Variants in LCORL observed in about 807,000 individuals in gnomAD.
LCORL encodes ligand dependent nuclear receptor corepressor like.
LCORL carries 41 observed loss-of-function variants against 141.8 expected under a neutral mutation model. The ratio of observed to expected loss-of-function variants is 0.29; its 90% CI spans 0.23 to 0.38. LCORL has a LOEUF of 0.38. Ranked by LOEUF, LCORL falls within the 10% of genes least tolerant of loss-of-function variation. The probability of loss-of-function intolerance (pLI) is 1.00; values close to 1 mark genes in which losing one functional copy is unlikely to be tolerated. For missense variants in LCORL, 1,759 were observed against 2,035.0 expected (o/e 0.86, Z 2.61); for synonymous variants, 618 against 694.1 (o/e 0.89, Z 1.72).
chr4:17,936,899 C>G (rs929283720), intron 4 of LCORL, among the ~76,000 whole-genome samples: 1 of 152,136 alleles, frequency 6.6e-6, no homozygotes. Context: ...TAATCACCAC[C>G]AGCAGTAACA....
chr4:17,841,374 A>G (rs1261148780), exon 8 of LCORL: 1 of 151,868 alleles, frequency 6.6e-6, no homozygotes, highest in Admixed American at 6.6e-5. Flanking sequence ...ATGCAGATTT[A>G]ATTTTTTCTA....
At chr4:17,934,570 T>A (rs183383074) in intron 4 of LCORL, among the ~76,000 whole-genome samples, 2 of 152,296 alleles carry the variant, frequency 1.3e-5, no homozygotes, top group East Asian at 3.9e-4. Flanking sequence ...GAGATGCTAT[T>A]TATTCCTTAA....
rs527909257 is a variant in LCORL, at chr4:17,930,570, C to T, written c.431-21225G>A. On this transcript the variant is annotated intron_variant, in intron 4 of 7. Coordinates refer to ENST00000635767, the Ensembl canonical transcript of LCORL. ...TTCTACTGAGTATTCATTTTTTGTT[C>T]CTCTTTAGATTAACAAGTGAATAAT... Among the ~76,000 whole-genome samples the T allele has an allele frequency of 1.9e-4, 29 of 152,036 alleles. 1 individual carries two copies. The highest frequency in any genetic ancestry group is 1.8e-3 in the Admixed American group (28 of 15,266).
intron 4 of LCORL, among the ~76,000 whole-genome samples, chr4:17,911,157 T>C (rs1240496699): frequency 6.6e-6 from 1 of 152,190 alleles, no homozygotes; most frequent in Admixed American, 6.5e-5. Flanking sequence ...TATGAGATTG[T>C]AGATAAAATA....
At chr4:17,845,458 C>T (rs1232806719) in exon 8 of LCORL, 8 of 285,300 alleles carry the variant, frequency 2.8e-5, no homozygotes, top group African/African-American at 8.8e-5. Flanking sequence ...GGGACAATTA[C>T]GTATTTAAAC....
At position 17,947,456 on chromosome 4, in the gene LCORL, T is replaced by C. The variant is rs182869081; in HGVS notation, c.430+14447A>G. On this transcript the variant is annotated intron_variant, in intron 4 of 7. Coordinates refer to ENST00000635767, the Ensembl canonical transcript of LCORL. The stretch of plus-strand genomic sequence containing the variant: ...AGGGTACACAATCTCAAAAGGAATA[T>C]GGATTTGTTGGTTTTTTTTTAGATT... Among the ~76,000 whole-genome samples the C allele has an allele frequency of 1.0e-3, 154 of 151,944 alleles. 1 individual carries two copies. The highest frequency in any genetic ancestry group is 4.3e-3 in the Admixed American group (66 of 15,244).
intron 1 of LCORL, among the ~76,000 whole-genome samples, chr4:18,007,727 G>A (rs1400603154): frequency 1.3e-5 from 2 of 152,154 alleles, no homozygotes; most frequent in South Asian, 2.1e-4. Context: ...AATAAAGGCA[G>A]CAATTTTAGA....
chr4:17,940,136 GTATATATA>G (rs953438971), intron 4 of LCORL, among the ~76,000 whole-genome samples: 2 of 141,710 alleles, frequency 1.4e-5, no homozygotes, highest in Non-Finnish European at 3.0e-5. Context: ...ATGTATATGT[GTATATATA>G]TGTATATATG....
intron 1 of LCORL, among the ~76,000 whole-genome samples, chr4:18,011,771 G>A (rs924484293): frequency 6.6e-6 from 1 of 152,194 alleles, no homozygotes. Context: ...GAGGTGAGTA[G>A]CTGCAATAGA....
At chr4:17,857,275 G>A (rs1724466140) in intron 7 of LCORL, among the ~76,000 whole-genome samples, 1 of 152,010 alleles carries the variant, frequency 6.6e-6, no homozygotes, top group Non-Finnish European at 1.5e-5. Context: ...GGTGGGGGGA[G>A]AAAGGAGAGA....
At chr4:17,899,606 A>G (rs1036827836) in intron 5 of LCORL, among the ~76,000 whole-genome samples, 7 of 152,226 alleles carry the variant, frequency 4.6e-5, no homozygotes, top group African/African-American at 1.7e-4. Flanking sequence ...GAGGAAGATT[A>G]AATACAAACT....
chr4:17,883,619 C>T, intron 6 of LCORL: 1 of 1,384,104 alleles, frequency 7.2e-7, no homozygotes, highest in Admixed American at 3.2e-5. Flanking sequence ...TTGTAATTCC[C>T]ACGTGTGTAT....
intron 4 of LCORL, among the ~76,000 whole-genome samples, chr4:17,927,058 T>C (rs2109401907): frequency 6.6e-6 from 1 of 152,366 alleles, no homozygotes; most frequent in South Asian, 2.1e-4. Flanking sequence ...GAAAATTTCT[T>C]GTTTGGTACA....
At chr4:18,008,148 A>C (rs1302559621) in intron 1 of LCORL, among the ~76,000 whole-genome samples, 1 of 152,212 alleles carries the variant, frequency 6.6e-6, no homozygotes, top group African/African-American at 2.4e-5. Context: ...TTAGGATAGA[A>C]GGTAACTTTA....
At chr4:17,985,902 C>G (rs1258096798) in intron 1 of LCORL, among the ~76,000 whole-genome samples, 1 of 152,146 alleles carries the variant, frequency 6.6e-6, no homozygotes, top group Non-Finnish European at 1.5e-5. Context: ...TAGTAATGAT[C>G]TTTCCTTTCT....
chr4:17,880,862 TATAGTGCAATTG>T, intron 6 of LCORL: 1 of 856,900 alleles, frequency 1.2e-6, no homozygotes, highest in Non-Finnish European at 1.4e-6. Context: ...ATTCATGAAT[TATAGTGCAATTG>T]ATTTATGCAT....
rs144984434 is a variant in LCORL at position 17,875,677 on chromosome 4, C to G, written c.3313G>C (p.Asp1105His). The change falls in exon 7 of 8, where the codon GAT becomes CAT. Residue 1105 changes from aspartate (D) to histidine (H), a missense_variant. Around this residue, in one of 5 missense-constraint regions of LCORL, gnomAD observed 1,311 missense variants for 1,531.3 expected, o/e 0.86. Coordinates refer to ENST00000635767, the Ensembl canonical transcript of LCORL. ...TGGCAAACAGTGATGTTTGTTTGAT[C>G]AATTTTAGGCTTTGGTGGTCTTCCA... 561 of 1,231,252 alleles carry G rather than the reference C, an allele frequency of 4.6e-4. 3 individuals carry two copies. The African/African-American group carries it at 7.4e-3, about 16-fold the overall frequency. 76.3% of individuals were successfully genotyped at this position (1,231,252 alleles called of 1,614,324 possible). A position where few individuals can be genotyped will look rare whatever the true frequency, so the allele number is the denominator to read the frequency against.
intron 4 of LCORL, among the ~76,000 whole-genome samples, chr4:17,910,629 C>T (rs374281409): frequency 8.5e-5 from 13 of 152,122 alleles, no homozygotes; most frequent in African/African-American, 2.9e-4. Context: ...TTAGTTGGTC[C>T]ATGGCTGTAA....
rs369749861 is a variant in LCORL, at chr4:17,909,269, C to A, written c.507G>T (p.Ala169=). ...TACCACTTTTTGAAATGTACTCAATCGCAAATTGACGTATCATCTTTTTCA... is the reference window on the plus strand; with the variant it reads ...TACCACTTTTTGAAATGTACTCAATAGCAAATTGACGTATCATCTTTTTCA... The change falls in exon 5 of 8, where the codon GCG becomes GCT. Residue 169 remains alanine, a synonymous_variant. Coordinates refer to ENST00000635767, the Ensembl canonical transcript of LCORL. 15 of 1,611,564 alleles carry A rather than the reference C, an allele frequency of 9.3e-6. No homozygotes were observed. In the African/African-American group the frequency reaches 1.9e-4, roughly 20 times the overall value.
Sources: gnomAD v4.1 joint callset for allele counts (sites outside exome capture counted in the v4.1 genomes callset) on GRCh38, gnomAD v4.1.1 for gene constraint, gnomAD v4.1.1 regional missense constraint, MANE v1.5 for transcripts, NCBI Gene and HGNC (gene_info 2026-07-23, HGNC 2026-07-21) for gene names.